The following GHR variants were observed in gnomAD, a reference collection of about 807,000 sequenced individuals.
The protein encoded by GHR is growth hormone receptor.
A neutral mutation model predicts 67.1 loss-of-function variants in GHR; 35 were observed. The observed-to-expected ratio is 0.52, with a 90% CI of 0.40 to 0.69. The LOEUF is 0.69. Ranked by LOEUF, GHR falls within the 30% of genes least tolerant of loss-of-function variation. The probability of loss-of-function intolerance (pLI) is 0.00; values close to 1 mark genes in which losing one functional copy is unlikely to be tolerated. For synonymous variants in GHR, 272 were observed against 269.1 expected, an observed-to-expected ratio of 1.01 and a Z score of -0.10; for missense variants, 792 against 764.6, an observed-to-expected ratio of 1.04 and a Z score of -0.42.
intron 1 of GHR, chr5:42,514,487 AGCT>A: frequency 1.0e-5 from 2 of 196,240 alleles, no homozygotes; most frequent in Non-Finnish European, 1.8e-5. Flanking sequence ...AAAAAAAAGA[AGCT>A]ATTCAGAGAT....
chr5:42,523,654 C>T (rs904088378), intron 1 of GHR, among the ~76,000 whole-genome samples: 6 of 152,090 alleles, frequency 3.9e-5, no homozygotes, highest in Non-Finnish European at 7.4e-5. Flanking sequence ...TCCCTATTCC[C>T]TGAAACACAA....
chr5:42,662,931 G>A (rs1294411844), intron 3 of GHR, among the ~76,000 whole-genome samples: 1 of 152,180 alleles, frequency 6.6e-6, no homozygotes, highest in Non-Finnish European at 1.5e-5. Context: ...TGATCCCACA[G>A]AAATGCAAAC....
intron 1 of GHR, among the ~76,000 whole-genome samples, chr5:42,448,130 G>A (rs767590524): frequency 5.3e-5 from 8 of 152,020 alleles, no homozygotes; most frequent in Non-Finnish European, 7.4e-5. Flanking sequence ...TTGCTGAATC[G>A]AATGGTATTT....
chr5:42,427,853 G>A (rs549198098), intron 1 of GHR, among the ~76,000 whole-genome samples: 5 of 152,310 alleles, frequency 3.3e-5, no homozygotes, highest in African/African-American at 1.2e-4. Flanking sequence ...AAGTCTAATA[G>A]GGCAGTCATT....
At chr5:42,475,820 T>TC (rs910364168) in intron 1 of GHR, among the ~76,000 whole-genome samples, 5 of 152,076 alleles carry the variant, frequency 3.3e-5, no homozygotes, top group Non-Finnish European at 1.5e-5. Context: ...TGGAGCTTTT[T>TC]CCCCCCTCTT....
chr5:42,541,044 A>T (rs934817054), intron 1 of GHR, among the ~76,000 whole-genome samples: 1 of 150,410 alleles, frequency 6.6e-6, no homozygotes, highest in Non-Finnish European at 1.5e-5. Context: ...ATTACCCACC[A>T]TGTTTTACTT....
intron 1 of GHR, among the ~76,000 whole-genome samples, chr5:42,431,044 G>A (rs1252311393): frequency 1.3e-5 from 2 of 152,036 alleles, no homozygotes; most frequent in Admixed American, 6.6e-5. Flanking sequence ...CAAGCAAAAA[G>A]GAGAAGTAAA....
chr5:42,675,264 C>T (rs569200241), intron 3 of GHR, among the ~76,000 whole-genome samples: 7 of 152,274 alleles, frequency 4.6e-5, no homozygotes, highest in African/African-American at 1.7e-4. Context: ...TTCCTGTTTC[C>T]ATCTTCCAAA....
chr5:42,710,471 G>A (rs115447466), intron 6 of GHR, among the ~76,000 whole-genome samples: 259 of 152,192 alleles, frequency 1.7e-3, no homozygotes, highest in African/African-American at 6.0e-3. Context: ...ATAGCAATAT[G>A]TGTTAAAAGT....
At chr5:42,660,159 T>C (rs960466807) in intron 3 of GHR, among the ~76,000 whole-genome samples, 1 of 152,164 alleles carries the variant, frequency 6.6e-6, no homozygotes, top group Non-Finnish European at 1.5e-5. Flanking sequence ...CCTGCCTCTG[T>C]AGACTCCACC....
intron 1 of GHR, among the ~76,000 whole-genome samples, chr5:42,501,183 G>A (rs893933182): frequency 1.3e-5 from 2 of 152,192 alleles, no homozygotes; most frequent in Admixed American, 1.3e-4. Context: ...GTGGTTGACT[G>A]CAAGGACCTG....
chr5:42,437,835 T>G (rs1044747198), intron 1 of GHR, among the ~76,000 whole-genome samples: 4 of 150,182 alleles, frequency 2.7e-5, no homozygotes, highest in Non-Finnish European at 5.9e-5. Flanking sequence ...GGATTACAGG[T>G]GTGAGGCACC....
At chr5:42,437,764 C>T (rs1743392925) in intron 1 of GHR, among the ~76,000 whole-genome samples, 1 of 151,350 alleles carries the variant, frequency 6.6e-6, no homozygotes, top group Non-Finnish European at 1.5e-5. Flanking sequence ...CCAGGTTGCC[C>T]AGGCTGATCT....
intron 1 of GHR, chr5:42,467,422 T>A (rs1338797037): frequency 1.1e-6 from 1 of 938,970 alleles, no homozygotes. Context: ...GTGGACAATA[T>A]GGTTTGAGCT....
At chr5:42,441,319 A>G (rs1309393997) in intron 1 of GHR, among the ~76,000 whole-genome samples, 1 of 152,154 alleles carries the variant, frequency 6.6e-6, no homozygotes, top group Non-Finnish European at 1.5e-5. Flanking sequence ...GGATTAATAA[A>G]TTTGATGTTT....
chr5:42,700,101 T>A (rs533844427), intron 6 of GHR, 99 bp downstream of exon 6: 30 of 738,004 alleles, frequency 4.1e-5, no homozygotes, highest in Non-Finnish European at 1.2e-5. Flanking sequence ...ATACCACATG[T>A]TCATGCTGTA....
chr5:42,542,792 C>G (rs1354096208), intron 1 of GHR, among the ~76,000 whole-genome samples: 2 of 152,010 alleles, frequency 1.3e-5, no homozygotes, highest in African/African-American at 4.8e-5. Context: ...GCCACCCCTA[C>G]CCCCTCCTCA....
intron 6 of GHR, among the ~76,000 whole-genome samples, chr5:42,706,335 C>A (rs1030486168): frequency 6.6e-6 from 1 of 151,998 alleles, no homozygotes; most frequent in African/African-American, 2.4e-5. Flanking sequence ...TTCAGCCATT[C>A]TGTAGATTAT....
chr5:42,601,607 T>C (rs929733995), intron 2 of GHR, among the ~76,000 whole-genome samples: 2 of 152,200 alleles, frequency 1.3e-5, no homozygotes, highest in African/African-American at 4.8e-5. Flanking sequence ...CAAATTCTTA[T>C]TAAAGCATTA....
Sources: allele counts gnomAD v4.1 joint callset (sites outside exome capture counted in the v4.1 genomes callset), GRCh38; gene constraint gnomAD v4.1.1; transcripts MANE v1.5; gene names NCBI Gene and HGNC (gene_info 2026-07-23, HGNC 2026-07-21).